The following ARHGAP24 variants were observed in gnomAD, a reference collection of about 807,000 sequenced individuals.
ARHGAP24 encodes the protein rho GTPase-activating protein 24.
Under a neutral mutation model 76.4 loss-of-function variants are expected in ARHGAP24, and 50 were observed. The ratio of observed to expected loss-of-function variants is 0.65; its 90% CI spans 0.52 to 0.83. The LOEUF (loss-of-function observed/expected upper bound fraction) is 0.83, where lower values mean the gene tolerates loss of function less well. Ranked by LOEUF, ARHGAP24 falls within the 40% of genes least tolerant of loss-of-function variation. ARHGAP24 has a pLI of 0.00. For missense variants in ARHGAP24, 930 were observed against 914.2 expected (o/e 1.02, Z -0.22); for synonymous variants, 345 against 323.3 (o/e 1.07, Z -0.72).
intron 1 of ARHGAP24, among the ~76,000 whole-genome samples, chr4:85,540,115 A>C (rs1159571752): frequency 6.6e-6 from 1 of 151,960 alleles, no homozygotes; most frequent in Non-Finnish European, 1.5e-5. Flanking sequence ...TACTAGCATG[A>C]GTTTTTATTT....
At chr4:85,662,407 T>A (rs139104056) in intron 2 of ARHGAP24, among the ~76,000 whole-genome samples, 51,952 of 150,622 alleles carry the variant, frequency 0.34, 10,812 homozygotes, top group East Asian at 0.84. Flanking sequence ...ATTGTAGATT[T>A]TGGATATTAT....
At chr4:85,781,633 A>C (rs1190824647) in intron 3 of ARHGAP24, among the ~76,000 whole-genome samples, 2 of 148,934 alleles carry the variant, frequency 1.3e-5, no homozygotes, top group African/African-American at 2.5e-5. Flanking sequence ...TTAAAGCATC[A>C]GATGGTGTAT....
intron 3 of ARHGAP24, among the ~76,000 whole-genome samples, chr4:85,818,687 T>C (rs1194574684): frequency 2.0e-5 from 3 of 152,238 alleles, no homozygotes; most frequent in Non-Finnish European, 4.4e-5. Context: ...AGGACTTTAG[T>C]GAGAAGTTGA....
rs185027245 is a variant in ARHGAP24 at position 85,910,036 on chromosome 4, G to A, written c.269-13612G>A. Among the ~76,000 whole-genome samples the A allele has an allele frequency of 3.5e-4, 53 of 152,318 alleles. No homozygotes were observed. The East Asian group carries it at 7.3e-3, about 21-fold the overall frequency. Reference sequence around the variant, plus strand: ...GAGTGTGTGAGTGAGCATGGGGTCCGGCCACTGCATAGTCAGACACACTGG... The same window carrying A: ...GAGTGTGTGAGTGAGCATGGGGTCCAGCCACTGCATAGTCAGACACACTGG... On this transcript the variant is annotated intron_variant, in intron 3 of 9. Coordinates refer to ENST00000395184, the MANE Select transcript of ARHGAP24 (RefSeq NM_001025616.3).
At chr4:85,889,127 T>C (rs28688960) in intron 3 of ARHGAP24, among the ~76,000 whole-genome samples, 2,418 of 152,274 alleles carry the variant, frequency 0.016, 64 homozygotes, top group African/African-American at 0.054. Context: ...TTTAAACTTA[T>C]TGGGTATTTG....
At chr4:85,667,834 C>A (rs372367130) in intron 2 of ARHGAP24, among the ~76,000 whole-genome samples, 1 of 152,160 alleles carries the variant, frequency 6.6e-6, no homozygotes, top group African/African-American at 2.4e-5. Context: ...TTGTCTGATT[C>A]TCTTGAGGTT....
At chr4:85,753,828 A>G (rs776128412) in intron 3 of ARHGAP24, among the ~76,000 whole-genome samples, 2 of 152,160 alleles carry the variant, frequency 1.3e-5, no homozygotes, top group Non-Finnish European at 2.9e-5. Context: ...TTCAATACCT[A>G]TATACAATGT....
chr4:85,956,020 T>C (rs979917113), intron 5 of ARHGAP24, among the ~76,000 whole-genome samples: 2 of 152,106 alleles, frequency 1.3e-5, no homozygotes, highest in African/African-American at 2.4e-5. Context: ...CTCAATATCA[T>C]AGTGTGAATA....
intron 2 of ARHGAP24, among the ~76,000 whole-genome samples, chr4:85,657,228 T>C (rs1000711788): frequency 1.3e-5 from 2 of 152,154 alleles, no homozygotes; most frequent in African/African-American, 2.4e-5. Flanking sequence ...GGCTGTACAA[T>C]TGGGAGAAGA....
rs112520146 is a variant in ARHGAP24 at position 85,522,894 on chromosome 4, C to A, written c.-21+47335C>A. Among the ~76,000 whole-genome samples, 1,482 of 152,298 alleles carry A rather than the reference C, an allele frequency of 9.7e-3. 14 individuals are homozygous for A. Among genetic ancestry groups the A allele is most frequent in the East Asian group, 0.019 (96 of 5,174 alleles). ...TTAGAGGTATGTAGAACTATAGTCC[C>A]TCACTTTGACTTTTCTTTTGCCTTT... On this transcript the variant is annotated intron_variant, in intron 1 of 9. Transcript: ENST00000395184.
intron 3 of ARHGAP24, among the ~76,000 whole-genome samples, chr4:85,817,039 T>C (rs1394688117): frequency 1.3e-5 from 2 of 152,206 alleles, no homozygotes; most frequent in South Asian, 2.1e-4. Flanking sequence ...TATCTTTTCA[T>C]ATATCTGTTG....
At chr4:85,712,727 G>T (rs1419087498) in intron 2 of ARHGAP24, among the ~76,000 whole-genome samples, 1 of 152,080 alleles carries the variant, frequency 6.6e-6, no homozygotes, top group East Asian at 1.9e-4. Context: ...CTTTCTACTA[G>T]ATTTAGGGTC....
intron 3 of ARHGAP24, among the ~76,000 whole-genome samples, chr4:85,870,587 T>C (rs1732470786): frequency 6.6e-6 from 1 of 152,164 alleles, no homozygotes; most frequent in East Asian, 1.9e-4. Flanking sequence ...GCCCTTCTTT[T>C]CTACTAACTC....
At chr4:85,767,193 T>C (rs1726960211) in intron 3 of ARHGAP24, among the ~76,000 whole-genome samples, 1 of 152,174 alleles carries the variant, frequency 6.6e-6, no homozygotes, top group Non-Finnish European at 1.5e-5. Context: ...TTAAGCAATG[T>C]ATGACCATAG....
At chr4:85,910,307 C>T (rs1735006174) in intron 3 of ARHGAP24, among the ~76,000 whole-genome samples, 2 of 152,190 alleles carry the variant, frequency 1.3e-5, no homozygotes, top group Admixed American at 6.5e-5. Flanking sequence ...TTGCCTGCAA[C>T]GTGGAGAGCT....
At chr4:85,906,787 A>C (rs1734789355) in intron 3 of ARHGAP24, among the ~76,000 whole-genome samples, 1 of 152,160 alleles carries the variant, frequency 6.6e-6, no homozygotes, top group African/African-American at 2.4e-5. Flanking sequence ...TTGACTTATA[A>C]ACAAAATTAC....
chr4:85,753,892 T>C (rs1726367655), intron 3 of ARHGAP24, among the ~76,000 whole-genome samples: 1 of 152,214 alleles, frequency 6.6e-6, no homozygotes, highest in Non-Finnish European at 1.5e-5. Flanking sequence ...CATTTATCTT[T>C]TCTTTGTGTT....
intron 3 of ARHGAP24, among the ~76,000 whole-genome samples, chr4:85,778,325 T>C (rs2110082361): frequency 6.6e-6 from 1 of 152,310 alleles, no homozygotes; most frequent in East Asian, 1.9e-4. Context: ...CACATCCTAA[T>C]TGTGTTACTG....
At chr4:85,829,327 C>A (rs960834511) in intron 3 of ARHGAP24, among the ~76,000 whole-genome samples, 4 of 152,056 alleles carry the variant, frequency 2.6e-5, no homozygotes, top group Non-Finnish European at 5.9e-5. Flanking sequence ...TAACAAAGAA[C>A]ATATAATATT....
Sources: allele counts gnomAD v4.1 joint callset (sites outside exome capture counted in the v4.1 genomes callset), GRCh38; gene constraint gnomAD v4.1.1; transcripts MANE v1.5; gene names NCBI Gene and HGNC (gene_info 2026-07-23, HGNC 2026-07-21).